The following SYN2 variants were observed in gnomAD, a reference collection of about 807,000 sequenced individuals.
SYN2 encodes synapsin-2.
Under a neutral mutation model 50.9 loss-of-function variants are expected in SYN2, and 19 were observed. The observed-to-expected ratio is 0.37, with a 90% CI of 0.26 to 0.55. The LOEUF (loss-of-function observed/expected upper bound fraction) is 0.55, where lower values mean the gene tolerates loss of function less well. Among genes scored for constraint, SYN2 ranks in the 20% least tolerant of loss-of-function variants. The pLI is 0.81. For missense variants in SYN2, 587 were observed against 576.4 expected, an observed-to-expected ratio of 1.02 and a Z score of -0.19; for synonymous variants, 255 against 224.9, an observed-to-expected ratio of 1.13 and a Z score of -1.20.
intron 1 of SYN2, among the ~76,000 whole-genome samples, chr3:12,057,853 A>G (rs1198250142): frequency 6.6e-6 from 1 of 152,230 alleles, no homozygotes; most frequent in Admixed American, 6.5e-5. Context: ...TTTTAGAAGA[A>G]CATTAAAACT....
intron 1 of SYN2, among the ~76,000 whole-genome samples, chr3:12,059,097 C>T (rs947481983): frequency 1.3e-5 from 2 of 152,172 alleles, no homozygotes; most frequent in African/African-American, 4.8e-5. Context: ...GACCAGATAT[C>T]CACACCAAGG....
At chr3:12,083,952 G>A (rs1695634913) in intron 1 of SYN2, among the ~76,000 whole-genome samples, 1 of 152,164 alleles carries the variant, frequency 6.6e-6, no homozygotes, top group South Asian at 2.1e-4. Flanking sequence ...TTCATGGGTT[G>A]GGATAGGGAG....
chr3:12,164,722 A>C (rs2125238959), intron 7 of SYN2, among the ~76,000 whole-genome samples: 1 of 152,306 alleles, frequency 6.6e-6, no homozygotes, highest in African/African-American at 2.4e-5. Context: ...TGCCCCAGGT[A>C]GCCTGTATGG....
At chr3:12,153,346 A>G (rs996666219) in intron 5 of SYN2, 45 of 740,060 alleles carry the variant, frequency 6.1e-5, no homozygotes, top group Non-Finnish European at 1.0e-4. Context: ...AGGGCAGGGC[A>G]GAAAAGTCAT....
intron 5 of SYN2, chr3:12,153,560 G>T (rs1342387813): frequency 6.2e-7 from 1 of 1,613,938 alleles, no homozygotes; most frequent in Non-Finnish European, 8.5e-7. Flanking sequence ...GAGGCAGGTG[G>T]CCCCGGTACC....
At chr3:12,061,015 T>C (rs992365612) in intron 1 of SYN2, among the ~76,000 whole-genome samples, 5 of 151,926 alleles carry the variant, frequency 3.3e-5, no homozygotes, top group African/African-American at 1.2e-4. Context: ...AAAGAACAGA[T>C]GGATAATGTA....
In SYN2 at chr3:12,145,681, C is replaced by G. The variant is rs781727495; in HGVS notation, c.530C>G (p.Ser177Cys). The change falls in exon 4 of 13, where the codon TCC (serine) becomes TGC (cysteine). Residue 177 changes from serine to cysteine, a missense_variant and splice_region_variant. Physicochemically the swap from Ser to Cys is moderately radical, Grantham distance 112 (BLOSUM62 -1). Coordinates refer to ENST00000621198, the MANE Select transcript of SYN2 (RefSeq NM_133625.6). ...ACCTGCCTCTACCTTCTCACCAGGT[C>G]CTTCCGGCCAGACTTCGTGCTCATC... ...VLRNGTKVVR[S>C]FRPDFVLIRQ... 4 of 1,613,726 alleles carry G rather than the reference C, an allele frequency of 2.5e-6. No individual in the cohort carries two copies. The African/African-American group carries it at 5.3e-5, about 22-fold the overall frequency.
Position 12,049,525 on chromosome 3 carries a change from A to ATAATAAT in SYN2, c.377+44597_377+44598insTAATAAT, listed in dbSNP as rs1553610517. The stretch of plus-strand genomic sequence containing the variant: ...CAGAGTGAGACTCCGTCTCAAAAAA[A>ATAATAAT]AAAAAATAATAAAAAATAAAAAAAC... On this transcript the variant is annotated intron_variant, in intron 1 of 12. Transcript: ENST00000621198. 6.7e-3 allele frequency among the ~76,000 whole-genome samples: 58 copies of ATAATAAT among 8,596 alleles called. 1 individual carries two copies. The South Asian group carries it at 0.18, about 27-fold the overall frequency. 5.6% of individuals were successfully genotyped at this position (8,596 alleles called of 152,430 possible). A position where few individuals can be genotyped will look rare whatever the true frequency, so the allele number is the denominator to read the frequency against.
chr3:12,049,607 G>T (rs1468088227), intron 1 of SYN2, among the ~76,000 whole-genome samples: 1 of 152,150 alleles, frequency 6.6e-6, no homozygotes, highest in East Asian at 1.9e-4. Flanking sequence ...GATGGCTTGG[G>T]AGTTATATAG....
At chr3:12,166,762 TG>T (rs1180951657) in intron 7 of SYN2, among the ~76,000 whole-genome samples, 3 of 152,198 alleles carry the variant, frequency 2.0e-5, no homozygotes, top group African/African-American at 7.2e-5. Context: ...TCAGGATTGA[TG>T]GAATTCAGTT....
chr3:12,019,747 C>G (rs1694092371), intron 1 of SYN2, among the ~76,000 whole-genome samples: 1 of 152,186 alleles, frequency 6.6e-6, no homozygotes, highest in Admixed American at 6.5e-5. Context: ...TACCATTGCA[C>G]TTAATTGTCA....
chr3:12,086,701 A>G (rs1457155579), intron 1 of SYN2, among the ~76,000 whole-genome samples: 1 of 152,194 alleles, frequency 6.6e-6, no homozygotes, highest in Non-Finnish European at 1.5e-5. Flanking sequence ...AATTAGCTAT[A>G]GAAAGAATGC....
intron 12 of SYN2, among the ~76,000 whole-genome samples, chr3:12,188,893 C>G (rs1252762396): frequency 6.6e-6 from 1 of 152,188 alleles, no homozygotes; most frequent in Admixed American, 6.5e-5. Context: ...AGGGCAGATC[C>G]TTGGATTGTC....
At chr3:12,131,371 A>G (rs1487263707) in intron 1 of SYN2, among the ~76,000 whole-genome samples, 1 of 152,246 alleles carries the variant, frequency 6.6e-6, no homozygotes, top group Non-Finnish European at 1.5e-5. Context: ...GTGACCGTAC[A>G]GTGGAGGTAG....
At chr3:12,152,005 C>T (rs1286040641) in intron 5 of SYN2, among the ~76,000 whole-genome samples, 1 of 152,154 alleles carries the variant, frequency 6.6e-6, no homozygotes, top group Non-Finnish European at 1.5e-5. Flanking sequence ...CCTTCTTCTT[C>T]CCTGTCCCCA....
chr3:12,146,913 C>G (rs1697162124), intron 4 of SYN2, among the ~76,000 whole-genome samples: 1 of 152,246 alleles, frequency 6.6e-6, no homozygotes, highest in Non-Finnish European at 1.5e-5. Context: ...ATGCAGGCCT[C>G]CCCTGCATCA....
At chr3:12,140,085 C>T (rs1351161082) in intron 1 of SYN2, among the ~76,000 whole-genome samples, 1 of 152,196 alleles carries the variant, frequency 6.6e-6, no homozygotes, top group Non-Finnish European at 1.5e-5. Context: ...TCAGTCTTTT[C>T]CCGCTACCTT....
At chr3:12,138,867 C>T (rs553368272) in intron 1 of SYN2, among the ~76,000 whole-genome samples, 1 of 152,348 alleles carries the variant, frequency 6.6e-6, no homozygotes, top group Admixed American at 6.5e-5. Context: ...CACTCCAGTT[C>T]CTTCTTTTTA....
chr3:12,020,385 C>A (rs1031608715), intron 1 of SYN2, among the ~76,000 whole-genome samples: 10 of 150,442 alleles, frequency 6.6e-5, no homozygotes, highest in African/African-American at 2.5e-4. Context: ...TCTGTCCCCC[C>A]AGTTGATTCC....
Sources: gnomAD v4.1 joint callset for allele counts (sites outside exome capture counted in the v4.1 genomes callset) on GRCh38, gnomAD v4.1.1 for gene constraint, MANE v1.5 for transcripts, NCBI Gene and HGNC (gene_info 2026-07-23, HGNC 2026-07-21) for gene names.